The following ASAP2 variants were observed in gnomAD, a reference collection of about 807,000 sequenced individuals.
The protein encoded by ASAP2 is ArfGAP with SH3 domain, ankyrin repeat and PH domain 2, also known as arf-GAP with SH3 domain, ANK repeat and PH domain-containing protein 2.
A neutral mutation model predicts 131.4 loss-of-function variants in ASAP2; 45 were observed. That is an observed-to-expected ratio of 0.34 (90% confidence interval 0.27 to 0.44). The LOEUF (loss-of-function observed/expected upper bound fraction) is 0.44. ASAP2 is among the 20% of genes least tolerant of loss of function. The pLI is 1.00. For synonymous variants in ASAP2, 510 were observed against 503.0 expected (o/e 1.01, Z -0.19); for missense variants, 1,011 against 1,297.0 (o/e 0.78, Z 3.39).
chr2:9,270,497 G>A (rs945024983), intron 1 of ASAP2, among the ~76,000 whole-genome samples: 5 of 152,040 alleles, frequency 3.3e-5, no homozygotes, highest in Admixed American at 2.0e-4. Flanking sequence ...TTTGATACAG[G>A]CATGCAGTGC....
chr2:9,397,741 TATATA>T (rs1676262562), intron 24 of ASAP2, among the ~76,000 whole-genome samples: 2 of 93,458 alleles, frequency 2.1e-5, no homozygotes, highest in African/African-American at 8.1e-5. Flanking sequence ...TATATATATA[TATATA>T]TATATTTTTT....
At chr2:9,222,207 T>G (rs2147985624) in intron 1 of ASAP2, among the ~76,000 whole-genome samples, 1 of 152,388 alleles carries the variant, frequency 6.6e-6, no homozygotes, top group East Asian at 1.9e-4. Flanking sequence ...AAATCAGTTT[T>G]TATGTAAGCT....
intron 7 of ASAP2, among the ~76,000 whole-genome samples, chr2:9,332,622 T>G (rs1670919848): frequency 6.6e-6 from 1 of 152,246 alleles, no homozygotes; most frequent in Non-Finnish European, 1.5e-5. Context: ...GCTCTCTGTC[T>G]GACCGTAGGG....
intron 2 of ASAP2, among the ~76,000 whole-genome samples, chr2:9,292,269 G>A (rs989474249): frequency 6.6e-6 from 1 of 152,034 alleles, no homozygotes. Flanking sequence ...GGCTGGGCGT[G>A]GTGGCTTTGG....
At chr2:9,228,187 A>G (rs1662912839) in intron 1 of ASAP2, among the ~76,000 whole-genome samples, 1 of 152,266 alleles carries the variant, frequency 6.6e-6, no homozygotes, top group Admixed American at 6.5e-5. Flanking sequence ...CTTTGGCCAT[A>G]TAACCTTGAA....
In ASAP2 at chr2:9,207,164, G is replaced by A; in HGVS notation, c.60G>A (p.Ala20=). The A allele has an allele frequency of 6.2e-7, 1 of 1,605,592 alleles. No individual in the cohort carries two copies. The highest frequency in any genetic ancestry group is 2.3e-5 in the East Asian group (1 of 44,422). ...FVAETHEDYK[A]PTASSFTTRT... is the part of the protein sequence containing the mutation. ...CCGAGACCCATGAGGACTACAAGGC[G>A]CCCACGGCCTCCAGCTTCACCACCC... is the stretch of plus-strand genomic sequence containing the variant. Residue 20 remains alanine (A), a synonymous_variant, in exon 1 of 28, where the codon GCG becomes GCA. Coordinates refer to ENST00000281419, the MANE Select transcript of ASAP2 (RefSeq NM_003887.3). The surrounding 1 kb of genome is among the most constrained non-coding windows in gnomAD (Gnocchi z 4.1).
In ASAP2 at chr2:9,319,521, G is replaced by A. The variant is rs1670020254; in HGVS notation, c.421-767G>A. Among the ~76,000 whole-genome samples, 2 of 152,272 alleles carry A rather than the reference G, an allele frequency of 1.3e-5. 1 individual carries two copies. The highest frequency in any genetic ancestry group is 1.3e-4 in the Admixed American group (2 of 15,288). ...GCATCCCAGGCAGAGGAAAGGCGCAGGTGCGCACAGGGAGCAGGGCTCAGT... is the reference window on the plus strand; with the variant it reads ...GCATCCCAGGCAGAGGAAAGGCGCAAGTGCGCACAGGGAGCAGGGCTCAGT... On this transcript the variant is annotated intron_variant, in intron 4 of 27. Transcript: ENST00000281419.
intron 1 of ASAP2, among the ~76,000 whole-genome samples, chr2:9,215,090 G>C (rs1278520152): frequency 6.6e-6 from 1 of 152,156 alleles, no homozygotes; most frequent in Admixed American, 6.5e-5. Context: ...AGGCACCTAG[G>C]CTATATATTA....
chr2:9,313,068 A>T (rs935045992), intron 3 of ASAP2, among the ~76,000 whole-genome samples: 18 of 152,158 alleles, frequency 1.2e-4, no homozygotes, highest in African/African-American at 4.3e-4. Flanking sequence ...TAAAAAATAA[A>T]AAAAAAAGCT....
chr2:9,342,555 G>A (rs1671660421), intron 9 of ASAP2, among the ~76,000 whole-genome samples: 1 of 152,184 alleles, frequency 6.6e-6, no homozygotes, highest in African/African-American at 2.4e-5. Flanking sequence ...AAACCTCTTG[G>A]AAGAGATTTA....
Position 9,352,248 on chromosome 2 carries a change from A to ACACAC in ASAP2, c.1111+1353_1111+1354insCACAC, listed in dbSNP as rs1558357880. On this transcript the variant is annotated intron_variant, in intron 12 of 27. Transcript: ENST00000281419. ...ACACACACACACACACACACACACA[A>ACACAC]ACACACACACCACTGCTGGGATACC... 6.0e-5 allele frequency among the ~76,000 whole-genome samples: 8 copies of ACACAC among 133,824 alleles called. No individual in the cohort carries two copies. The East Asian group carries it at 1.5e-3, about 25-fold the overall frequency. 87.8% of individuals were successfully genotyped at this position (133,824 alleles called of 152,430 possible).
intron 2 of ASAP2, among the ~76,000 whole-genome samples, chr2:9,283,671 C>T (rs1052070703): frequency 2.2e-4 from 33 of 152,196 alleles, no homozygotes; most frequent in African/African-American, 7.5e-4. Flanking sequence ...GGTTAAACAA[C>T]AGAAATTTAT....
At chr2:9,344,157 A>C (rs1171876050) in intron 9 of ASAP2, among the ~76,000 whole-genome samples, 9 of 151,856 alleles carry the variant, frequency 5.9e-5, no homozygotes, top group Non-Finnish European at 1.3e-4. Context: ...TTTGCTTGGA[A>C]ACCCCTGCCT....
At chr2:9,234,307 C>G (rs745360760) in intron 1 of ASAP2, among the ~76,000 whole-genome samples, 1 of 152,156 alleles carries the variant, frequency 6.6e-6, no homozygotes, top group Non-Finnish European at 1.5e-5. Flanking sequence ...GCAGCAATAA[C>G]CAGACTGCCT....
At chr2:9,400,916 T>C in intron 26 of ASAP2, 86 bp downstream of exon 26, 1 of 1,307,634 alleles carries the variant, frequency 7.6e-7, no homozygotes, top group Non-Finnish European at 1.1e-6. Flanking sequence ...AAGCAAGTCT[T>C]CCCCTCTTCC....
At position 9,289,949 on chromosome 2, in the gene ASAP2, C is replaced by T. The variant is rs190481729; in HGVS notation, c.200-7351C>T. On this transcript the variant is annotated intron_variant, in intron 2 of 27. Transcript: ENST00000281419. ...ATGGGTATTGAAAGTGGAACAAGCCCGGGGTGTTGGAGAAGGCGGAGGAAG... is the reference window on the plus strand; with the variant it reads ...ATGGGTATTGAAAGTGGAACAAGCCTGGGGTGTTGGAGAAGGCGGAGGAAG... Among the ~76,000 whole-genome samples the T allele has an allele frequency of 6.0e-4, 90 of 151,230 alleles. No individual in the cohort carries two copies. In the East Asian group the frequency reaches 0.011, roughly 18 times the overall value.
Position 9,388,541 on chromosome 2 carries a change from G to A in ASAP2, c.2378G>A (p.Gly793Asp), listed in dbSNP as rs756858723. 6.2e-7 allele frequency: 1 copy of A among 1,612,800 alleles called. No individual in the cohort carries two copies. ...SAPPLPPRNV[G>D]KVQTASSANT... Reference sequence around the variant, plus strand: ...CCCCCGCTTCCTCCACGGAATGTTGGCAAAGGTATGAAGCTGTCCGTCATC... The same window carrying A: ...CCCCCGCTTCCTCCACGGAATGTTGACAAAGGTATGAAGCTGTCCGTCATC... Residue 793 changes from glycine to aspartate, a missense_variant, in exon 22 of 28, where the codon GGC (glycine) becomes GAC (aspartate). Coordinates refer to ENST00000281419, the MANE Select transcript of ASAP2 (RefSeq NM_003887.3).
chr2:9,338,913 C>T (rs1671401180), intron 9 of ASAP2, among the ~76,000 whole-genome samples: 2 of 152,264 alleles, frequency 1.3e-5, no homozygotes, highest in East Asian at 3.9e-4. Context: ...CATGGTGGCT[C>T]ACAGCTATAG....
intron 7 of ASAP2, among the ~76,000 whole-genome samples, chr2:9,333,966 A>G (rs1242909314): frequency 6.7e-6 from 1 of 150,012 alleles, no homozygotes; most frequent in East Asian, 2.0e-4. Flanking sequence ...CCGCAGACAC[A>G]GTGTGGCCAC....
Sources: allele counts gnomAD v4.1 joint callset (sites outside exome capture counted in the v4.1 genomes callset), GRCh38; gene constraint gnomAD v4.1.1; non-coding constraint Gnocchi (gnomAD v3.1); transcripts MANE v1.5; gene names NCBI Gene and HGNC (gene_info 2026-07-23, HGNC 2026-07-21).